AK4: variants seen among roughly 807,000 people sequenced by gnomAD.
AK4 encodes the protein adenylate kinase 4, mitochondrial.
In AK4, 13 loss-of-function variants were observed where a neutral mutation model predicts 24.6. The observed-to-expected ratio is 0.53, with a 90% CI of 0.34 to 0.84. AK4 has a LOEUF of 0.84. Ranked by LOEUF, AK4 falls within the 40% of genes least tolerant of loss-of-function variation. The probability of loss-of-function intolerance (pLI) is 0.01; values close to 1 mark genes in which losing one functional copy is unlikely to be tolerated. For synonymous variants in AK4, 88 were observed against 107.0 expected (o/e 0.82, Z 1.10); for missense variants, 192 against 288.2 (o/e 0.67, Z 2.42).
rs1214953582 is a variant in AK4, at chr1:65,218,879, C to T, written c.391C>T (p.Pro131Ser). ...DRLSRRWIHP[P>S]SGRVYNLDFN... ...TCTCAGCCGCCGTTGGATTCACCCTCCTAGCGGAAGGGTATATAACCTGGA... is the reference window on the plus strand; with the variant it reads ...TCTCAGCCGCCGTTGGATTCACCCTTCTAGCGGAAGGGTATATAACCTGGA... Residue 131 changes from proline to serine, a missense_variant, in exon 3 of 5, where the codon CCT becomes TCT. Coordinates refer to ENST00000327299, the MANE Select transcript of AK4 (RefSeq NM_013410.4). 5 of 1,609,526 alleles carry T rather than the reference C, an allele frequency of 3.1e-6. No homozygotes were observed. Among genetic ancestry groups the T allele is most frequent in the East Asian group, 2.2e-5 (1 of 44,642 alleles).
chr1:65,190,574 T>A, intron 1 of AK4, 136 bp from the exon 2 acceptor site: 1 of 1,020,168 alleles, frequency 9.8e-7, no homozygotes, highest in Non-Finnish European at 1.4e-6. Flanking sequence ...TTTTAAAAAC[T>A]TAAAACATGT....
chr1:65,182,270 T>C (rs934672807), intron 1 of AK4, among the ~76,000 whole-genome samples: 7 of 152,144 alleles, frequency 4.6e-5, no homozygotes, highest in Non-Finnish European at 8.8e-5. Flanking sequence ...ACCTGGTACA[T>C]AGACTTGCAG....
At chr1:65,159,696 G>A (rs1650091260) in intron 1 of AK4, among the ~76,000 whole-genome samples, 1 of 150,128 alleles carries the variant, frequency 6.7e-6, no homozygotes. Flanking sequence ...TTGGCCGGGC[G>A]TGGTGGCTCA....
intron 2 of AK4, among the ~76,000 whole-genome samples, chr1:65,212,302 C>CT (rs1233768121): frequency 8.8e-4 from 127 of 144,530 alleles, no homozygotes; most frequent in African/African-American, 1.7e-3. Flanking sequence ...TTTTAGGATT[C>CT]TTTTTTTTTT....
Position 65,154,564 on chromosome 1 carries a change from T to C in AK4, c.145+6012T>C, listed in dbSNP as rs557275997. The C allele has an allele frequency of 1.2e-3, 609 of 520,194 alleles. 13 individuals are homozygous for C. The highest frequency in any genetic ancestry group is 8.2e-3 in the South Asian group (589 of 71,944). The allele number at this position is 520,194 out of a possible 1,614,324, so 32.2% of individuals were successfully genotyped here. A position where few individuals can be genotyped will look rare whatever the true frequency, so the allele number is the denominator to read the frequency against. ...TTGTCGCGTCTGTTCAAACCGGCAC[T>C]GTCTGATCCAGAAATGTGGCCTCAA... On this transcript the variant is annotated intron_variant, in intron 1 of 4. Coordinates refer to ENST00000327299, the MANE Select transcript of AK4 (RefSeq NM_013410.4).
At chr1:65,170,099 A>G (rs1258185283) in intron 1 of AK4, among the ~76,000 whole-genome samples, 1 of 152,164 alleles carries the variant, frequency 6.6e-6, no homozygotes, top group Non-Finnish European at 1.5e-5. Flanking sequence ...AGTTTTGGCC[A>G]GGCGTGGTGG....
At chr1:65,165,685 C>T (rs1230711594) in intron 1 of AK4, among the ~76,000 whole-genome samples, 1 of 151,976 alleles carries the variant, frequency 6.6e-6, no homozygotes, top group African/African-American at 2.4e-5. Context: ...TTACTCGTAG[C>T]AGAGTATGAT....
chr1:65,179,040 G>T (rs1334343139), intron 1 of AK4, among the ~76,000 whole-genome samples: 1 of 152,150 alleles, frequency 6.6e-6, no homozygotes, highest in Admixed American at 6.6e-5. Flanking sequence ...GGATGGATTG[G>T]GGGAGGGAGA....
intron 1 of AK4, among the ~76,000 whole-genome samples, chr1:65,177,836 T>C (rs988042046): frequency 5.3e-5 from 8 of 152,252 alleles, no homozygotes; most frequent in Middle Eastern, 3.4e-3. Flanking sequence ...GCACCAAATG[T>C]CCACTTATGT....
intron 1 of AK4, among the ~76,000 whole-genome samples, chr1:65,172,313 A>C (rs192177755): frequency 8.6e-4 from 130 of 151,824 alleles, no homozygotes; most frequent in African/African-American, 3.1e-3. Flanking sequence ...AAAAGAAAAA[A>C]GGGAGGGGAG....
chr1:65,218,707 A>G, intron 2 of AK4, 47 bp from the exon 3 acceptor site: 1 of 1,511,890 alleles, frequency 6.6e-7, no homozygotes, highest in Non-Finnish European at 8.9e-7. Flanking sequence ...AACTAATTGG[A>G]ACTGGGCAAT....
intron 2 of AK4, among the ~76,000 whole-genome samples, chr1:65,198,801 G>T (rs570413200): frequency 6.6e-6 from 1 of 152,052 alleles, no homozygotes; most frequent in Non-Finnish European, 1.5e-5. Flanking sequence ...AGACAGTTGG[G>T]TGTGGTAGCT....
At chr1:65,186,504 A>T (rs1490317142) in intron 1 of AK4, among the ~76,000 whole-genome samples, 1 of 152,218 alleles carries the variant, frequency 6.6e-6, no homozygotes, top group East Asian at 1.9e-4. Context: ...CATTGAACCA[A>T]CTGTTTTAAC....
intron 1 of AK4, among the ~76,000 whole-genome samples, chr1:65,183,066 A>C (rs934674651): frequency 3.3e-5 from 5 of 152,184 alleles, no homozygotes; most frequent in Non-Finnish European, 4.4e-5. Flanking sequence ...GGCCTGGCAC[A>C]TAGATGCTTA....
intron 4 of AK4, among the ~76,000 whole-genome samples, chr1:65,225,628 GCCTTGTAGT>G (rs1652430566): frequency 6.6e-6 from 1 of 152,098 alleles, no homozygotes; most frequent in African/African-American, 2.4e-5. Context: ...TCACTTTCTG[GCCTTGTAGT>G]CCCCCCCAAA....
At chr1:65,200,518 C>G (rs944433378) in intron 2 of AK4, among the ~76,000 whole-genome samples, 1 of 152,164 alleles carries the variant, frequency 6.6e-6, no homozygotes, top group African/African-American at 2.4e-5. Flanking sequence ...GACATGTGAC[C>G]TGAAATTTTA....
intron 2 of AK4, among the ~76,000 whole-genome samples, chr1:65,215,791 C>T (rs1243229110): frequency 6.6e-6 from 1 of 152,192 alleles, no homozygotes. Context: ...GCTTGTTACC[C>T]TCATTAGACA....
chr1:65,174,038 G>C (rs550504098), intron 1 of AK4, among the ~76,000 whole-genome samples: 2 of 152,076 alleles, frequency 1.3e-5, no homozygotes, highest in African/African-American at 2.4e-5. Flanking sequence ...CCTGGCTTAG[G>C]TTCAGCTCAC....
At chr1:65,206,012 C>T (rs1286191069) in intron 2 of AK4, among the ~76,000 whole-genome samples, 1 of 151,998 alleles carries the variant, frequency 6.6e-6, no homozygotes, top group East Asian at 1.9e-4. Flanking sequence ...CCGTGTGGAT[C>T]GCTGGATACA....
Sources: gnomAD v4.1 joint callset for allele counts (sites outside exome capture counted in the v4.1 genomes callset) on GRCh38, gnomAD v4.1.1 for gene constraint, MANE v1.5 for transcripts, NCBI Gene and HGNC (gene_info 2026-07-23, HGNC 2026-07-21) for gene names.